The following ZNF407 variants were observed in gnomAD, a reference collection of about 807,000 sequenced individuals.
ZNF407 encodes zinc finger protein 407.
Under a neutral mutation model 131.2 loss-of-function variants are expected in ZNF407, and 17 were observed. The observed-to-expected ratio is 0.13, with a 90% confidence interval of 0.09 to 0.19. The LOEUF is 0.19. ZNF407 is among the 10% of genes least tolerant of loss of function. The probability of loss-of-function intolerance (pLI) is 1.00; values close to 1 mark genes in which losing one functional copy is unlikely to be tolerated. For synonymous variants in ZNF407, 1,156 were observed against 1,062.0 expected, an observed-to-expected ratio of 1.09 and a Z score of -1.72; for missense variants, 2,681 against 2,830.6, an observed-to-expected ratio of 0.95 and a Z score of 1.20.
chr18:74,999,988 T>C (rs934932601), intron 8 of ZNF407, among the ~76,000 whole-genome samples: 1 of 152,204 alleles, frequency 6.6e-6, no homozygotes, highest in African/African-American at 2.4e-5. Flanking sequence ...AGAAAGTTCT[T>C]TATGGATTGA....
intron 4 of ZNF407, among the ~76,000 whole-genome samples, chr18:74,845,862 A>G (rs1203108970): frequency 6.6e-6 from 1 of 152,202 alleles, no homozygotes; most frequent in East Asian, 1.9e-4. Flanking sequence ...ATTAGTTTTA[A>G]AATGGTTGGG....
rs150385213 is a variant in ZNF407, at chr18:74,925,334, T to C, written c.5428+4642T>C. On this transcript the variant is annotated intron_variant, in intron 8 of 8. Transcript: ENST00000299687. ...GTTTGGTGTTCTCTATAACGTGTAT[T>C]ATTTAACTGTATTCCCTACATTTGC... 2.1e-3 allele frequency among the ~76,000 whole-genome samples: 325 copies of C among 152,324 alleles called. 4 individuals are homozygous for C. The highest frequency in any genetic ancestry group is 7.4e-3 in the African/African-American group (307 of 41,580).
intron 3 of ZNF407, among the ~76,000 whole-genome samples, chr18:74,760,915 T>G (rs1175754334): frequency 6.6e-6 from 1 of 152,218 alleles, no homozygotes; most frequent in Non-Finnish European, 1.5e-5. Context: ...TCTTTTCTAT[T>G]TTTATTTCCA....
At chr18:74,953,969 G>A (rs1362827175) in intron 8 of ZNF407, among the ~76,000 whole-genome samples, 2 of 152,216 alleles carry the variant, frequency 1.3e-5, no homozygotes, top group Non-Finnish European at 1.5e-5. Context: ...AAGGGATAGT[G>A]TATGTTTTGT....
chr18:74,935,949 A>T (rs1053492124), intron 8 of ZNF407, among the ~76,000 whole-genome samples: 3 of 152,146 alleles, frequency 2.0e-5, no homozygotes, highest in Non-Finnish European at 1.5e-5. Flanking sequence ...CCCTGTATGT[A>T]ATTTTTTAAA....
chr18:74,774,223 G>T (rs1235902924), intron 3 of ZNF407, among the ~76,000 whole-genome samples: 1 of 152,164 alleles, frequency 6.6e-6, no homozygotes, highest in East Asian at 1.9e-4. Context: ...TGGGGAAAAT[G>T]GTTAAGTCTC....
chr18:74,874,986 C>T (rs1171865770), intron 4 of ZNF407, among the ~76,000 whole-genome samples: 2 of 152,132 alleles, frequency 1.3e-5, no homozygotes, highest in African/African-American at 4.8e-5. Flanking sequence ...GCTCAGGTTT[C>T]GCCCAGGGCT....
At chr18:74,674,838 G>C (rs1048882817) in intron 3 of ZNF407, among the ~76,000 whole-genome samples, 8 of 152,166 alleles carry the variant, frequency 5.3e-5, no homozygotes, top group African/African-American at 1.9e-4. Flanking sequence ...GTTGTAGTTA[G>C]GTAATTTCTG....
intron 7 of ZNF407, among the ~76,000 whole-genome samples, chr18:74,918,029 C>G (rs1971796054): frequency 6.6e-6 from 1 of 151,980 alleles, no homozygotes; most frequent in Non-Finnish European, 1.5e-5. Context: ...AACGGTTTAC[C>G]CAGCTTGAAG....
At chr18:75,038,904 T>C (rs1973341078) in intron 8 of ZNF407, among the ~76,000 whole-genome samples, 1 of 152,214 alleles carries the variant, frequency 6.6e-6, no homozygotes, top group East Asian at 1.9e-4. Context: ...GGCAGATATC[T>C]GAGGTTATTT....
intron 8 of ZNF407, among the ~76,000 whole-genome samples, chr18:74,921,754 C>T (rs1204607556): frequency 1.3e-5 from 2 of 152,180 alleles, no homozygotes; most frequent in Non-Finnish European, 2.9e-5. Context: ...ACATTTATGC[C>T]TATCTGTGCC....
chr18:75,031,094 C>T (rs554681258), intron 8 of ZNF407, among the ~76,000 whole-genome samples: 29 of 152,334 alleles, frequency 1.9e-4, no homozygotes, highest in South Asian at 1.4e-3. Context: ...CAGCAGTTCA[C>T]TCACCTGCAA....
intron 8 of ZNF407, among the ~76,000 whole-genome samples, chr18:75,002,744 G>A (rs1240843459): frequency 1.3e-5 from 2 of 150,012 alleles, no homozygotes; most frequent in Non-Finnish European, 2.9e-5. Flanking sequence ...GGTGGAGCTT[G>A]CAGCGAGCCG....
chr18:74,652,143 T>C (rs535523572), intron 3 of ZNF407, among the ~76,000 whole-genome samples: 1 of 152,212 alleles, frequency 6.6e-6, no homozygotes, highest in Non-Finnish European at 1.5e-5. Context: ...AAAGAGGCTT[T>C]TGAAAATATT....
intron 8 of ZNF407, chr18:75,062,860 A>C: frequency 7.7e-6 from 2 of 258,576 alleles, no homozygotes; most frequent in Non-Finnish European, 1.5e-5. Flanking sequence ...TTCCCTGGGC[A>C]TTGGAGAGGC....
rs77571578 is a variant in ZNF407 at position 74,841,580 on chromosome 18, C to T, written c.4878-35617C>T. 1.9e-4 allele frequency among the ~76,000 whole-genome samples: 29 copies of T among 152,348 alleles called. 1 individual carries two copies. In the East Asian group the frequency reaches 5.2e-3, roughly 27 times the overall value. The stretch of plus-strand genomic sequence containing the variant: ...TCACCTGTGTTCACCCAGGTGCCCA[C>T]CACAGTGACTGCTACGTAAAAGGCC... On this transcript the variant is annotated intron_variant, in intron 4 of 8. Coordinates refer to ENST00000299687, the MANE Select transcript of ZNF407 (RefSeq NM_017757.3).
At chr18:74,989,507 C>A (rs1972693176) in intron 8 of ZNF407, among the ~76,000 whole-genome samples, 1 of 152,202 alleles carries the variant, frequency 6.6e-6, no homozygotes, top group Admixed American at 6.5e-5. Flanking sequence ...TATCCTACTT[C>A]CTTTCGAAGA....
intron 3 of ZNF407, among the ~76,000 whole-genome samples, chr18:74,661,303 G>A (rs1985703588): frequency 6.6e-6 from 1 of 151,280 alleles, no homozygotes; most frequent in South Asian, 2.1e-4. Context: ...CCTTCAAATA[G>A]TATTGACTTC....
At chr18:74,876,067 T>A (rs973190207) in intron 4 of ZNF407, among the ~76,000 whole-genome samples, 2 of 152,216 alleles carry the variant, frequency 1.3e-5, no homozygotes, top group Non-Finnish European at 2.9e-5. Context: ...TCAGCCCTTA[T>A]GGGGCTAAGG....
Sources: gnomAD v4.1 joint callset for allele counts (sites outside exome capture counted in the v4.1 genomes callset) on GRCh38, gnomAD v4.1.1 for gene constraint, MANE v1.5 for transcripts, NCBI Gene and HGNC (gene_info 2026-07-23, HGNC 2026-07-21) for gene names.